CEP112: variants seen among roughly 807,000 people sequenced by gnomAD.
CEP112 encodes centrosomal protein 112, also known as centrosomal protein of 112 kDa.
CEP112 carries 127 observed loss-of-function variants against 153.0 expected under a neutral mutation model. That is an observed-to-expected ratio of 0.83 (90% CI 0.72 to 0.96). The LOEUF is 0.96. Ranked by LOEUF, CEP112 falls within the 40% of genes least tolerant of loss-of-function variation. The pLI, the probability that CEP112 is intolerant of heterozygous loss-of-function variation, is 0.00. For missense variants in CEP112, 1,089 were observed against 1,101.2 expected, an observed-to-expected ratio of 0.99 and a Z score of 0.16; for synonymous variants, 358 against 374.4, an observed-to-expected ratio of 0.96 and a Z score of 0.51.
In CEP112 at chr17:65,902,211, G is replaced by C; in HGVS notation, c.2104C>G (p.Arg702Gly). 2 of 1,613,922 alleles carry C rather than the reference G, an allele frequency of 1.2e-6. No individual in the cohort carries two copies. Among genetic ancestry groups the C allele is most frequent in the Non-Finnish European group, 1.7e-6 (2 of 1,179,956 alleles). Reference sequence around the variant, plus strand: ...TTTTCGTGCTCCATATTGGCAGCGCGAAGCTGTTTTTCCAGGTTTTCAATT... The same window carrying C: ...TTTTCGTGCTCCATATTGGCAGCGCCAAGCTGTTTTTCCAGGTTTTCAATT... ...REIENLEKQL[R>G]AANMEHENQI... Residue 702 changes from arginine (R) to glycine (G), a missense_variant, in exon 20 of 27, where the codon CGC (arginine) becomes GGC (glycine). By Grantham distance (125) the Arg-to-Gly change is moderately radical. Coordinates refer to ENST00000535342, the MANE Select transcript of CEP112 (RefSeq NM_001199165.4).
At chr17:65,701,043 G>A (rs368783572) in intron 23 of CEP112, among the ~76,000 whole-genome samples, 2 of 152,340 alleles carry the variant, frequency 1.3e-5, no homozygotes, top group African/African-American at 4.8e-5. Context: ...TACAGACTGT[G>A]TAACCAAACA....
At chr17:65,915,084 C>A (rs977141382) in intron 19 of CEP112, among the ~76,000 whole-genome samples, 33 of 152,192 alleles carry the variant, frequency 2.2e-4, no homozygotes, top group African/African-American at 7.2e-4. Context: ...CTTCCTTTTA[C>A]CTCACTGGTT....
In CEP112 at chr17:65,775,141, T is replaced by C. The variant is rs181867394; in HGVS notation, c.2395-24417A>G. ...GCATTTGACCATCTTTTGGTCAACA[T>C]AGGGGAGAGGAACCTGAAGCCGTAG... On this transcript the variant is annotated intron_variant, in intron 21 of 26. Transcript: ENST00000535342. Among the ~76,000 whole-genome samples, 49 of 152,082 alleles carry C rather than the reference T, an allele frequency of 3.2e-4. No individual in the cohort carries two copies. In the East Asian group the frequency reaches 8.7e-3, roughly 27 times the overall value.
At chr17:65,918,119 G>T (rs2060564191) in intron 19 of CEP112, among the ~76,000 whole-genome samples, 1 of 150,670 alleles carries the variant, frequency 6.6e-6, no homozygotes, top group Non-Finnish European at 1.5e-5. Context: ...GGTGGAGGTT[G>T]CAGTGAGCCG....
intron 17 of CEP112, among the ~76,000 whole-genome samples, chr17:65,971,869 AG>A (rs756940337): frequency 6.6e-6 from 1 of 152,236 alleles, no homozygotes; most frequent in Non-Finnish European, 1.5e-5. Context: ...CCATATCAAC[AG>A]GAAACAAATG....
chr17:65,714,188 A>T (rs949551597), intron 23 of CEP112, among the ~76,000 whole-genome samples: 9 of 152,094 alleles, frequency 5.9e-5, no homozygotes, highest in African/African-American at 1.9e-4. Context: ...TTCCATACAT[A>T]GGTAAACACA....
At chr17:65,885,851 T>C (rs1044528560) in intron 20 of CEP112, among the ~76,000 whole-genome samples, 2 of 152,224 alleles carry the variant, frequency 1.3e-5, no homozygotes, top group African/African-American at 4.8e-5. Flanking sequence ...AACTGTACTA[T>C]AATCATAAGC....
chr17:65,875,364 A>T lies in CEP112; in HGVS notation c.2164-23330T>A, dbSNP rs190885327. Among the ~76,000 whole-genome samples the T allele has an allele frequency of 2.8e-3, 430 of 152,186 alleles. 1 individual carries two copies. The highest frequency in any genetic ancestry group is 1.0e-2 in the African/African-American group (414 of 41,564). The stretch of plus-strand genomic sequence containing the variant: ...CATAATCAAACCAAGTAGTATAGAA[A>T]TGCCCTTAATAAAACCATTACATTA... On this transcript the variant is annotated intron_variant, in intron 20 of 26. Transcript: ENST00000535342.
chr17:66,049,387 T>TAA (rs2066347799), intron 12 of CEP112, among the ~76,000 whole-genome samples: 1 of 152,216 alleles, frequency 6.6e-6, no homozygotes, highest in Non-Finnish European at 1.5e-5. Context: ...CATTATGACT[T>TAA]ATATAACATT....
intron 12 of CEP112, among the ~76,000 whole-genome samples, chr17:66,051,127 A>AC (rs964814124): frequency 1.5e-5 from 2 of 132,812 alleles, no homozygotes; most frequent in African/African-American, 2.8e-5. Flanking sequence ...CTACAAGCAC[A>AC]CCCCCCCGGG....
At chr17:65,729,536 A>G (rs2050377970) in intron 23 of CEP112, among the ~76,000 whole-genome samples, 1 of 152,174 alleles carries the variant, frequency 6.6e-6, no homozygotes, top group African/African-American at 2.4e-5. Context: ...CATTACGTTC[A>G]TTATACTGCC....
At chr17:65,824,976 A>T (rs1488860673) in intron 21 of CEP112, among the ~76,000 whole-genome samples, 1 of 152,230 alleles carries the variant, frequency 6.6e-6, no homozygotes, top group Non-Finnish European at 1.5e-5. Context: ...ACTTCTGAGT[A>T]TATACCCCAA....
In CEP112 at chr17:66,020,959, G is replaced by A. The variant is rs577343929; in HGVS notation, c.1656+6542C>T. 7.7e-4 allele frequency among the ~76,000 whole-genome samples: 117 copies of A among 152,236 alleles called. 2 individuals are homozygous for A. In the South Asian group the frequency reaches 0.012, roughly 16 times the overall value. ...ATACTGGGGAAGAGAAGGTGAGCAG[G>A]GAGACAGTGGCTAGGTCTGGTTGAG... On this transcript the variant is annotated intron_variant, in intron 16 of 26. Coordinates refer to ENST00000535342, the MANE Select transcript of CEP112 (RefSeq NM_001199165.4).
chr17:66,163,973 G>A (rs1201730546), intron 4 of CEP112, among the ~76,000 whole-genome samples: 1 of 152,154 alleles, frequency 6.6e-6, no homozygotes, highest in African/African-American at 2.4e-5. Context: ...CTTACTGGGG[G>A]AGAAAAAAGC....
At chr17:65,940,678 T>TA (rs925404053) in intron 18 of CEP112, among the ~76,000 whole-genome samples, 1 of 152,070 alleles carries the variant, frequency 6.6e-6, no homozygotes, top group Non-Finnish European at 1.5e-5. Flanking sequence ...AGGTAGAATC[T>TA]AAAAAAGTTG....
intron 23 of CEP112, among the ~76,000 whole-genome samples, chr17:65,729,528 T>C (rs1369932571): frequency 6.6e-6 from 1 of 152,204 alleles, no homozygotes; most frequent in Non-Finnish European, 1.5e-5. Context: ...TCAATGATCA[T>C]TACGTTCATT....
rs71160526 is a variant in CEP112 at position 66,057,758 on chromosome 17, T to TACACAC, written c.1075-3885_1075-3880dup. 9.3e-3 allele frequency among the ~76,000 whole-genome samples: 1,324 copies of TACACAC among 142,466 alleles called. 22 individuals are homozygous for TACACAC. Among genetic ancestry groups the TACACAC allele is most frequent in the African/African-American group, 0.032 (1,224 of 37,926 alleles). 93.5% of individuals were successfully genotyped at this position (142,466 alleles called of 152,430 possible). On this transcript the variant is annotated intron_variant, in intron 11 of 26. Coordinates refer to ENST00000535342, the MANE Select transcript of CEP112 (RefSeq NM_001199165.4). ...AGCCCAGATTTACATAAAATTACTC[T>TACACAC]ACACACACACACACACACACACACA...
At chr17:65,867,655 C>G (rs568313125) in intron 20 of CEP112, among the ~76,000 whole-genome samples, 4 of 151,870 alleles carry the variant, frequency 2.6e-5, no homozygotes, top group African/African-American at 9.7e-5. Flanking sequence ...TTTAATGGAG[C>G]CTATACATTT....
intron 6 of CEP112, among the ~76,000 whole-genome samples, chr17:66,108,409 T>C (rs768419892): frequency 2.2e-4 from 34 of 151,528 alleles, no homozygotes; most frequent in Admixed American, 1.1e-3. Flanking sequence ...CTCAAACAAC[T>C]CTATAGGAAA....
Sources: allele counts gnomAD v4.1 joint callset (sites outside exome capture counted in the v4.1 genomes callset), GRCh38; gene constraint gnomAD v4.1.1; transcripts MANE v1.5; gene names NCBI Gene and HGNC (gene_info 2026-07-23, HGNC 2026-07-21).